The following GALNT13 variants were observed in gnomAD, a reference collection of about 807,000 sequenced individuals.
The protein encoded by GALNT13 is polypeptide N-acetylgalactosaminyltransferase 13.
In GALNT13, 28 loss-of-function variants were observed where a neutral mutation model predicts 64.2. The ratio of observed to expected loss-of-function variants is 0.44; its 90% CI spans 0.32 to 0.60. The LOEUF (loss-of-function observed/expected upper bound fraction) is 0.60, where lower values mean the gene tolerates loss of function less well. Among genes scored for constraint, GALNT13 ranks in the 20% least tolerant of loss-of-function variants. The pLI is 0.05. For missense variants in GALNT13, 577 were observed against 669.8 expected (o/e 0.86, Z 1.53); for synonymous variants, 214 against 224.6 (o/e 0.95, Z 0.42).
At chr2:153,119,538 A>T in the GALNT13 span, among the ~76,000 whole-genome samples, 1 of 152,232 alleles carries the variant, frequency 6.6e-6, no homozygotes, top group African/African-American at 2.4e-5. Flanking sequence ...ATAAAATAAG[A>T]TAAAAATGGC....
At chr2:153,679,299 C>G in the GALNT13 span, among the ~76,000 whole-genome samples, 1 of 152,100 alleles carries the variant, frequency 6.6e-6, no homozygotes, top group East Asian at 1.9e-4. Context: ...CTGTAATACT[C>G]ACAATGATTA....
the GALNT13 span, among the ~76,000 whole-genome samples, chr2:153,825,300 A>T: frequency 1.3e-5 from 2 of 152,172 alleles, no homozygotes; most frequent in Non-Finnish European, 2.9e-5. Context: ...GAATAACTCT[A>T]ACTTAGATCA....
At chr2:153,665,499 A>G in the GALNT13 span, among the ~76,000 whole-genome samples, 2 of 151,816 alleles carry the variant, frequency 1.3e-5, no homozygotes, top group East Asian at 1.9e-4. Context: ...ACCTCCCCCT[A>G]TCTAGCATAG....
At chr2:154,043,812 G>A (rs1863086) in intron 3 of GALNT13, among the ~76,000 whole-genome samples, 1 of 151,876 alleles carries the variant, frequency 6.6e-6, no homozygotes, top group Non-Finnish European at 1.5e-5. Flanking sequence ...CTGAGTAAGA[G>A]CTAGGCTTGG....
intron 1 of GALNT13, among the ~76,000 whole-genome samples, chr2:153,889,831 A>G (rs1279554551): frequency 6.6e-6 from 1 of 151,982 alleles, no homozygotes; most frequent in African/African-American, 2.4e-5. Flanking sequence ...AGGCACTTCC[A>G]ATTTATTGAG....
chr2:154,333,472 A>G (rs1695277270), intron 9 of GALNT13, among the ~76,000 whole-genome samples: 1 of 152,056 alleles, frequency 6.6e-6, no homozygotes, highest in Non-Finnish European at 1.5e-5. Context: ...TGAAAGTAGG[A>G]AACTCAATTA....
chr2:154,431,261 C>T (rs1379921882), intron 11 of GALNT13, among the ~76,000 whole-genome samples: 2 of 152,178 alleles, frequency 1.3e-5, no homozygotes, highest in Non-Finnish European at 2.9e-5. Flanking sequence ...AATAATACAG[C>T]AATGCCTTTG....
intron 1 of GALNT13, among the ~76,000 whole-genome samples, chr2:153,876,387 T>C (rs1686382181): frequency 6.6e-6 from 1 of 152,234 alleles, no homozygotes; most frequent in Non-Finnish European, 1.5e-5. Context: ...CTTCTGCCAT[T>C]CAAATATATG....
At chr2:154,344,212 G>A (rs2105233350) in intron 9 of GALNT13, among the ~76,000 whole-genome samples, 1 of 152,042 alleles carries the variant, frequency 6.6e-6, no homozygotes, top group South Asian at 2.1e-4. Context: ...TCACATAGTA[G>A]GCATTTACTA....
chr2:153,648,156 T>C, the GALNT13 span, among the ~76,000 whole-genome samples: 1 of 152,200 alleles, frequency 6.6e-6, no homozygotes, highest in Non-Finnish European at 1.5e-5. Context: ...CAGTGGTTTG[T>C]AGTTCTCCTT....
At chr2:153,355,455 C>T in the GALNT13 span, among the ~76,000 whole-genome samples, 3 of 152,052 alleles carry the variant, frequency 2.0e-5, no homozygotes, top group Admixed American at 1.3e-4. Context: ...TTTGGTAGAA[C>T]ACAAATGCTT....
chr2:153,936,579 A>G (rs1310464605), intron 2 of GALNT13, among the ~76,000 whole-genome samples: 2 of 152,198 alleles, frequency 1.3e-5, no homozygotes, highest in Non-Finnish European at 2.9e-5. Flanking sequence ...ACAGAGAGCC[A>G]TAAATATTCT....
the GALNT13 span, among the ~76,000 whole-genome samples, chr2:153,816,232 T>C: frequency 6.6e-6 from 1 of 152,184 alleles, no homozygotes; most frequent in Non-Finnish European, 1.5e-5. Flanking sequence ...GCCATCCGAA[T>C]CTGAGGTCAT....
At chr2:154,377,013 G>T (rs2105323650) in intron 9 of GALNT13, among the ~76,000 whole-genome samples, 1 of 152,154 alleles carries the variant, frequency 6.6e-6, no homozygotes, top group Non-Finnish European at 1.5e-5. Context: ...CCAGAACCTG[G>T]AATATAATAC....
intron 3 of GALNT13, among the ~76,000 whole-genome samples, chr2:154,032,094 C>G (rs937299202): frequency 1.3e-5 from 2 of 151,350 alleles, no homozygotes; most frequent in African/African-American, 4.9e-5. Flanking sequence ...AAATCCAGGA[C>G]AAGCAGAAGG....
the GALNT13 span, among the ~76,000 whole-genome samples, chr2:153,713,441 T>G: frequency 6.6e-6 from 1 of 152,152 alleles, no homozygotes; most frequent in Non-Finnish European, 1.5e-5. Flanking sequence ...AAGTCAGTTC[T>G]TTTCTACTGG....
At position 154,450,678 on chromosome 2, in the gene GALNT13, G is replaced by T. The variant is rs1701841214; in HGVS notation, c.*127G>T. On this transcript the variant is annotated 3_prime_UTR_variant, in exon 13 of 13. Coordinates refer to ENST00000392825, the MANE Select transcript of GALNT13 (RefSeq NM_052917.4). ...CCTTTTAGTATTCTAAAACACAATT[G>T]TTTCTAATTCGTTTCTAGAAATGTT... is the stretch of plus-strand genomic sequence containing the variant. 3 of 838,020 alleles carry T rather than the reference G, an allele frequency of 3.6e-6. No homozygotes were observed. Among genetic ancestry groups the T allele is most frequent in the East Asian group, 2.9e-5 (1 of 34,700 alleles). 51.9% of individuals were successfully genotyped at this position (838,020 alleles called of 1,614,324 possible). A position where few individuals can be genotyped will look rare whatever the true frequency, so the allele number is the denominator to read the frequency against.
chr2:153,733,073 A>C, the GALNT13 span, among the ~76,000 whole-genome samples: 1 of 152,150 alleles, frequency 6.6e-6, no homozygotes, highest in Non-Finnish European at 1.5e-5. Context: ...GGAAGAGTAG[A>C]AAGAAGATCT....
At chr2:153,416,232 C>A in the GALNT13 span, among the ~76,000 whole-genome samples, 1 of 152,130 alleles carries the variant, frequency 6.6e-6, no homozygotes, top group South Asian at 2.1e-4. Flanking sequence ...AAGGCAATGT[C>A]CAAAGCCATG....
Sources: allele counts gnomAD v4.1 joint callset (sites outside exome capture counted in the v4.1 genomes callset), GRCh38; gene constraint gnomAD v4.1.1; transcripts MANE v1.5; gene names NCBI Gene and HGNC (gene_info 2026-07-23, HGNC 2026-07-21).